PDXDC1: variants seen among roughly 807,000 people sequenced by gnomAD.
PDXDC1 encodes pyridoxal dependent decarboxylase domain containing 1.
PDXDC1 carries 42 observed loss-of-function variants against 100.1 expected under a neutral mutation model. The ratio of observed to expected loss-of-function variants is 0.42; its 90% CI spans 0.33 to 0.54. The LOEUF (loss-of-function observed/expected upper bound fraction) is 0.54, where lower values mean the gene tolerates loss of function less well. PDXDC1 is among the 20% of genes least tolerant of loss of function. The probability of loss-of-function intolerance (pLI) is 0.10; values close to 1 mark genes in which losing one functional copy is unlikely to be tolerated. For synonymous variants in PDXDC1, 260 were observed against 371.7 expected, an observed-to-expected ratio of 0.70 and a Z score of 3.46; for missense variants, 636 against 979.2, an observed-to-expected ratio of 0.65 and a Z score of 4.68.
In PDXDC1 at chr16:15,036,616, G is replaced by T; in HGVS notation, c.*341G>T. On this transcript the variant is annotated 3_prime_UTR_variant, in exon 23 of 23. Transcript: ENST00000396410. ...GCCTAAGTATATGAGGTTGCCCGTG[G>T]CAACTTTTTGGTAAAACAGCTTTTC... The T allele has an allele frequency of 3.5e-6, 1 of 284,240 alleles. No homozygotes were observed. The highest frequency in any genetic ancestry group is 6.4e-5 in the South Asian group (1 of 15,556). The allele number at this position is 284,240 out of a possible 1,614,324, so 17.6% of individuals were successfully genotyped here. A position where few individuals can be genotyped will look rare whatever the true frequency, so the allele number is the denominator to read the frequency against.
chr16:15,098,069 G>A lies in PDXDC1; in HGVS notation c.1400-40810G>A, dbSNP rs181698545. Among the ~76,000 whole-genome samples, 168 of 149,890 alleles carry A rather than the reference G, an allele frequency of 1.1e-3. 1 individual carries two copies. Among genetic ancestry groups the A allele is most frequent in the African/African-American group, 4.1e-3 (166 of 40,818 alleles). ...TGAGATTATAGGCATGAGCCACCGCGACCAGCCTGAATATTCTTGTATCAT... is the reference window on the plus strand; with the variant it reads ...TGAGATTATAGGCATGAGCCACCGCAACCAGCCTGAATATTCTTGTATCAT... On this transcript the variant is annotated intron_variant, in intron 16 of 16. Coordinates refer to the PDXDC1 transcript ENST00000535621.
intron 16 of PDXDC1, among the ~76,000 whole-genome samples, chr16:15,062,321 G>A (rs1366940228): frequency 1.3e-5 from 2 of 152,142 alleles, no homozygotes; most frequent in African/African-American, 2.4e-5. Flanking sequence ...CCCAGTGTTA[G>A]GAACTCTTGT....
chr16:14,983,693 G>A (rs1235020401), intron 1 of PDXDC1, among the ~76,000 whole-genome samples: 2 of 151,496 alleles, frequency 1.3e-5, no homozygotes, highest in South Asian at 4.2e-4. Flanking sequence ...CCACATCACT[G>A]TACCACCTAT....
In PDXDC1 at chr16:14,984,662, A is replaced by G. The variant is rs565200656; in HGVS notation, c.21+9442A>G. On this transcript the variant is annotated intron_variant, in intron 1 of 22. Transcript: ENST00000396410. The stretch of plus-strand genomic sequence containing the variant: ...ACAGGCACACCACCACGCCCAGGTA[A>G]TTTTTTGTATCTTTAGTAGAGACGA... Among the ~76,000 whole-genome samples, 23 of 150,406 alleles carry G rather than the reference A, an allele frequency of 1.5e-4. 1 individual carries two copies. The highest frequency in any genetic ancestry group is 1.4e-3 in the Admixed American group (21 of 14,912).
chr16:15,038,294 T>C lies in PDXDC1; in HGVS notation c.*2019T>C, dbSNP rs1232775134. 2.1e-6 allele frequency: 2 copies of C among 962,702 alleles called. No individual in the cohort carries two copies. Among genetic ancestry groups the C allele is most frequent in the Non-Finnish European group, 3.1e-6 (2 of 636,274 alleles). 59.6% of individuals were successfully genotyped at this position (962,702 alleles called of 1,614,324 possible). A position where few individuals can be genotyped will look rare whatever the true frequency, so the allele number is the denominator to read the frequency against. On this transcript the variant is annotated 3_prime_UTR_variant, in exon 23 of 23. Coordinates refer to ENST00000396410, the MANE Select transcript of PDXDC1 (RefSeq NM_015027.4). The stretch of plus-strand genomic sequence containing the variant: ...AAAGATGTCAAAGTATCTTTGTTCT[T>C]GGACACAAATATATATAATAAAATA...
rs944999566 is a variant in PDXDC1, at chr16:14,987,134, C to T, written c.22-10619C>T. Among the ~76,000 whole-genome samples the T allele has an allele frequency of 3.3e-5, 5 of 152,348 alleles. No individual in the cohort carries two copies. In the South Asian group the frequency reaches 6.2e-4, roughly 19 times the overall value. On this transcript the variant is annotated intron_variant, in intron 1 of 22. Coordinates refer to ENST00000396410, the MANE Select transcript of PDXDC1 (RefSeq NM_015027.4). ...TGCCCTGATCTGGATGATGAGTTTA[C>T]GGCCATCTGGTTGAGACTGTTGTAA...
At chr16:15,093,461 C>T (rs908857783) in intron 16 of PDXDC1, among the ~76,000 whole-genome samples, 1 of 152,144 alleles carries the variant, frequency 6.6e-6, no homozygotes, top group East Asian at 1.9e-4. Flanking sequence ...TACTGCCTTT[C>T]CCCCCTATGC....
intron 18 of PDXDC1, 112 bp from the exon 19 acceptor site, chr16:15,033,166 C>G (rs2043170180): frequency 8.0e-7 from 1 of 1,242,894 alleles, no homozygotes; most frequent in South Asian, 1.3e-5. Flanking sequence ...CTTAGAATCT[C>G]CATGGAGGAG....
intron 16 of PDXDC1, among the ~76,000 whole-genome samples, chr16:15,079,593 TTTC>T (rs1352023388): frequency 2.0e-5 from 2 of 98,436 alleles, no homozygotes; most frequent in African/African-American, 5.8e-5. Context: ...AGTGGTTTCT[TTTC>T]TTTTTTTTTT....
At chr16:15,071,645 G>C (rs1420098874) in intron 16 of PDXDC1, among the ~76,000 whole-genome samples, 7 of 152,204 alleles carry the variant, frequency 4.6e-5, no homozygotes, top group Admixed American at 1.3e-4. Flanking sequence ...GCAGGTGCCT[G>C]TAATCCCAGC....
intron 16 of PDXDC1, among the ~76,000 whole-genome samples, chr16:15,051,499 G>A (rs1240382787): frequency 6.6e-6 from 1 of 150,690 alleles, no homozygotes; most frequent in Non-Finnish European, 1.5e-5. Flanking sequence ...GGCATGAGCC[G>A]ACACACCTGG....
intron 16 of PDXDC1, among the ~76,000 whole-genome samples, chr16:15,111,585 C>T (rs1374499584): frequency 6.8e-6 from 1 of 147,224 alleles, no homozygotes; most frequent in Non-Finnish European, 1.5e-5. Flanking sequence ...TGGTGAAACC[C>T]CGTCTCTACT....
At position 15,094,297 on chromosome 16, in the gene PDXDC1, T is replaced by G. The variant is rs547219341; in HGVS notation, c.1400-44582T>G. 8 of 1,382,098 alleles carry G rather than the reference T, an allele frequency of 5.8e-6. No individual in the cohort carries two copies. The East Asian group carries it at 1.5e-4, about 26-fold the overall frequency. 85.6% of individuals were successfully genotyped at this position (1,382,098 alleles called of 1,614,324 possible). A position where few individuals can be genotyped will look rare whatever the true frequency, so the allele number is the denominator to read the frequency against. On this transcript the variant is annotated intron_variant, in intron 16 of 16. Coordinates refer to the PDXDC1 transcript ENST00000535621. Reference sequence around the variant, plus strand: ...TGCCCAGCTCCTTCCAGCCACAGCCTCTGTCCCGGAAGTTGCGCGTGCCAG... The same window carrying G: ...TGCCCAGCTCCTTCCAGCCACAGCCGCTGTCCCGGAAGTTGCGCGTGCCAG...
chr16:15,076,979 A>T (rs2941255), intron 16 of PDXDC1, among the ~76,000 whole-genome samples: 96,007 of 146,210 alleles, frequency 0.66, 33,114 homozygotes, highest in Middle Eastern at 0.76. Flanking sequence ...CACCCAAATC[A>T]CTTTTTTTTT....
At chr16:15,144,383 AT>A in the PDXDC1 span, among the ~76,000 whole-genome samples, 1 of 152,150 alleles carries the variant, frequency 6.6e-6, no homozygotes, top group East Asian at 1.9e-4. Context: ...GACGGTGCTC[AT>A]TTGAAAAAAA....
chr16:15,038,351 G>C (rs564868332), downstream of PDXDC1: 2 of 651,886 alleles, frequency 3.1e-6, no homozygotes, highest in East Asian at 5.7e-5. Context: ...GAATTAGTAA[G>C]AAAAAAGTTG....
chr16:15,043,047 T>C (rs145115224), downstream of PDXDC1, among the ~76,000 whole-genome samples: 419 of 152,252 alleles, frequency 2.8e-3, 1 homozygote, highest in Non-Finnish European at 4.7e-3. Context: ...ATTACAGGCA[T>C]GCACCACCAT....
chr16:15,080,051 T>A, intron 16 of PDXDC1: 2 of 1,602,974 alleles, frequency 1.2e-6, no homozygotes, highest in Non-Finnish European at 1.7e-6. Context: ...TGCCTCAAGG[T>A]TGGAAAATAT....
intron 16 of PDXDC1, among the ~76,000 whole-genome samples, chr16:15,087,822 A>G (rs1409383071): frequency 1.3e-5 from 2 of 152,218 alleles, no homozygotes; most frequent in African/African-American, 4.8e-5. Context: ...ACCATTTTTA[A>G]AAGTAAATCA....
Sources: gnomAD v4.1 joint callset for allele counts (sites outside exome capture counted in the v4.1 genomes callset) on GRCh38, gnomAD v4.1.1 for gene constraint, MANE v1.5 for transcripts, NCBI Gene and HGNC (gene_info 2026-07-23, HGNC 2026-07-21) for gene names.